Variants in KIAA1328 observed in about 807,000 individuals in gnomAD.
The protein encoded by KIAA1328 is protein hinderin.
A neutral mutation model predicts 68.1 loss-of-function variants in KIAA1328; 52 were observed. The observed-to-expected ratio is 0.76, with a 90% CI of 0.61 to 0.96. The LOEUF (loss-of-function observed/expected upper bound fraction) is 0.96. KIAA1328 is among the 40% of genes least tolerant of loss of function. KIAA1328 has a pLI of 0.00. For missense variants in KIAA1328, 641 were observed against 677.6 expected (o/e 0.95, Z 0.60); for synonymous variants, 232 against 239.4 (o/e 0.97, Z 0.28).
At chr18:36,973,283 A>G (rs1598861949) in intron 6 of KIAA1328, among the ~76,000 whole-genome samples, 2 of 150,650 alleles carry the variant, frequency 1.3e-5, no homozygotes, top group Non-Finnish European at 3.0e-5. Context: ...ATGAGAACAC[A>G]TGGACACAGG....
At chr18:37,095,552 A>G (rs576560058) in intron 7 of KIAA1328, among the ~76,000 whole-genome samples, 3 of 152,210 alleles carry the variant, frequency 2.0e-5, no homozygotes, top group Non-Finnish European at 4.4e-5. Context: ...ATAACATACC[A>G]AAACCTATGG....
chr18:37,080,036 C>T (rs2056896859), intron 7 of KIAA1328, among the ~76,000 whole-genome samples: 1 of 152,036 alleles, frequency 6.6e-6, no homozygotes, highest in Admixed American at 6.6e-5. Context: ...AACAAAAGTA[C>T]TTAAGAAAGC....
chr18:37,220,333 A>G (rs1269826217), intron 9 of KIAA1328, among the ~76,000 whole-genome samples: 5 of 152,256 alleles, frequency 3.3e-5, no homozygotes, highest in African/African-American at 1.2e-4. Flanking sequence ...TATGCTTTCT[A>G]TAGCAGCATC....
chr18:37,114,396 C>T (rs2151912207), intron 7 of KIAA1328, among the ~76,000 whole-genome samples: 1 of 152,338 alleles, frequency 6.6e-6, no homozygotes, highest in African/African-American at 2.4e-5. Context: ...GAACAACCTG[C>T]TCCTGAGTGA....
chr18:37,069,936 A>C (rs2056468808), intron 7 of KIAA1328, among the ~76,000 whole-genome samples: 1 of 151,566 alleles, frequency 6.6e-6, no homozygotes, highest in African/African-American at 2.4e-5. Flanking sequence ...AGACTTTTTC[A>C]CTTTTCTACT....
intron 8 of KIAA1328, among the ~76,000 whole-genome samples, chr18:37,164,600 G>C (rs1161200438): frequency 6.6e-6 from 1 of 152,158 alleles, no homozygotes; most frequent in Non-Finnish European, 1.5e-5. Flanking sequence ...GAAAGAGTTA[G>C]CTGGGTGTGG....
intron 7 of KIAA1328, among the ~76,000 whole-genome samples, chr18:37,133,021 G>A (rs1005990740): frequency 1.8e-4 from 28 of 152,216 alleles, no homozygotes; most frequent in South Asian, 6.2e-4. Flanking sequence ...CCATTTCCAT[G>A]GCATTCCAGA....
At chr18:36,893,387 C>A (rs1568132080) in intron 5 of KIAA1328, among the ~76,000 whole-genome samples, 1 of 151,480 alleles carries the variant, frequency 6.6e-6, no homozygotes, top group Non-Finnish European at 1.5e-5. Context: ...CCCATCTCAG[C>A]CACCGTAGTC....
At chr18:36,949,475 A>C (rs67366947) in intron 5 of KIAA1328, among the ~76,000 whole-genome samples, 22,775 of 151,948 alleles carry the variant, frequency 0.15, 1,812 homozygotes, top group African/African-American at 0.18. Flanking sequence ...TTACCTTTAA[A>C]GTTGGAGAAA....
At chr18:36,997,266 T>G (rs1444447118) in intron 6 of KIAA1328, among the ~76,000 whole-genome samples, 1 of 152,212 alleles carries the variant, frequency 6.6e-6, no homozygotes, top group African/African-American at 2.4e-5. Flanking sequence ...GATTTAACAC[T>G]TGTGATTTAG....
intron 7 of KIAA1328, among the ~76,000 whole-genome samples, chr18:37,077,691 G>C (rs867683781): frequency 8.5e-6 from 1 of 118,108 alleles, no homozygotes; most frequent in Non-Finnish European, 1.7e-5. Flanking sequence ...ACCAGTAACA[G>C]ACAGAGAGCC....
chr18:36,859,393 A>G (rs1490517873), intron 4 of KIAA1328, among the ~76,000 whole-genome samples: 2 of 151,172 alleles, frequency 1.3e-5, no homozygotes. Flanking sequence ...GTTTTCATAT[A>G]TATTGGCATA....
At chr18:37,150,731 C>G (rs2059010265) in intron 7 of KIAA1328, among the ~76,000 whole-genome samples, 1 of 151,994 alleles carries the variant, frequency 6.6e-6, no homozygotes, top group South Asian at 2.1e-4. Context: ...ATATTTTAAT[C>G]CTTTTTAAAG....
chr18:37,059,022 GT>G (rs914878414), intron 6 of KIAA1328, among the ~76,000 whole-genome samples: 58 of 147,258 alleles, frequency 3.9e-4, no homozygotes, highest in African/African-American at 1.2e-3. Flanking sequence ...AAGAAGTTGG[GT>G]TTTTTTTTTA....
chr18:37,040,594 C>T (rs1251560647), intron 6 of KIAA1328, among the ~76,000 whole-genome samples: 2 of 151,514 alleles, frequency 1.3e-5, no homozygotes, highest in African/African-American at 2.4e-5. Flanking sequence ...TTCTCTCCTG[C>T]TTGCTTTGGT....
At chr18:36,856,433 G>A (rs1306314018) in intron 4 of KIAA1328, among the ~76,000 whole-genome samples, 1 of 151,980 alleles carries the variant, frequency 6.6e-6, no homozygotes. Context: ...TGTTTCTTGT[G>A]CCTTCTCACA....
Position 37,223,799 on chromosome 18 carries a change from A to C in KIAA1328, c.*1572A>C. The C allele has an allele frequency of 1.0e-6, 1 of 985,256 alleles. No homozygotes were observed. The highest frequency in any genetic ancestry group is 1.2e-6 in the Non-Finnish European group (1 of 829,874). 61.0% of individuals were successfully genotyped at this position (985,256 alleles called of 1,614,324 possible). A position where few individuals can be genotyped will look rare whatever the true frequency, so the allele number is the denominator to read the frequency against. On this transcript the variant is annotated 3_prime_UTR_variant, in exon 10 of 10. Transcript: ENST00000280020. ...TCTTCAGGCTGAGACTGGCGCTGTC[A>C]CCTCCACCCAGCCTTCTTTCACTTG... is the stretch of plus-strand genomic sequence containing the variant.
intron 7 of KIAA1328, among the ~76,000 whole-genome samples, chr18:37,105,941 A>AAAAAAAAAAAAAAAAAAAAAAAT: frequency 6.8e-6 from 1 of 148,022 alleles, no homozygotes; most frequent in African/African-American, 2.5e-5. Context: ...AAAAAAAAAA[A>AAAAAAAAAAAAAAAAAAAAAAAT]AAAAGAATTA....
intron 9 of KIAA1328, 34 bp downstream of exon 9, chr18:37,173,115 C>T: frequency 2.0e-6 from 3 of 1,493,308 alleles, no homozygotes; most frequent in Non-Finnish European, 2.8e-6. Flanking sequence ...TTTTAATATT[C>T]TCCCTATGAG....
Sources: allele counts gnomAD v4.1 joint callset (sites outside exome capture counted in the v4.1 genomes callset), GRCh38; gene constraint gnomAD v4.1.1; transcripts MANE v1.5; gene names NCBI Gene and HGNC (gene_info 2026-07-23, HGNC 2026-07-21).